Variants in AFF3 observed in about 807,000 individuals in gnomAD.
The protein encoded by AFF3 is ALF transcription elongation factor 3, also known as AF4/FMR2 family member 3.
AFF3 carries 32 observed loss-of-function variants against 129.7 expected under a neutral mutation model. That is an observed-to-expected ratio of 0.25 (90% CI 0.19 to 0.33). The LOEUF is 0.33. Among genes scored for constraint, AFF3 ranks in the 10% least tolerant of loss-of-function variants. The probability of loss-of-function intolerance (pLI) is 1.00; values close to 1 mark genes in which losing one functional copy is unlikely to be tolerated. For synonymous variants in AFF3, 644 were observed against 635.4 expected, an observed-to-expected ratio of 1.01 and a Z score of -0.20; for missense variants, 1,373 against 1,592.0, an observed-to-expected ratio of 0.86 and a Z score of 2.34.
intron 4 of AFF3, among the ~76,000 whole-genome samples, chr2:100,075,149 G>A (rs1317437622): frequency 6.6e-6 from 1 of 152,124 alleles, no homozygotes; most frequent in African/African-American, 2.4e-5. Flanking sequence ...GATGGGATAA[G>A]TTTGCAGAAG....
rs536455348 is a variant in AFF3, at chr2:100,060,737, T to C, written c.53+43665A>G. On this transcript the variant is annotated intron_variant, in intron 4 of 24. Transcript: ENST00000672756. ...CACTTGGTTTATTCTGTTGTTACCA[T>C]TGACATTACTACGTACATCTGTCAC... is the stretch of plus-strand genomic sequence containing the variant. 8.8e-4 allele frequency among the ~76,000 whole-genome samples: 134 copies of C among 152,290 alleles called. 1 individual carries two copies. The highest frequency in any genetic ancestry group is 1.5e-3 in the Non-Finnish European group (100 of 68,026).
At chr2:100,073,951 G>A (rs747164211) in intron 4 of AFF3, among the ~76,000 whole-genome samples, 4 of 152,282 alleles carry the variant, frequency 2.6e-5, no homozygotes, top group Non-Finnish European at 5.9e-5. Flanking sequence ...ACAAGAACAC[G>A]TGATCTGTAT....
intron 4 of AFF3, among the ~76,000 whole-genome samples, chr2:100,024,981 T>C (rs910109922): frequency 6.6e-6 from 1 of 152,202 alleles, no homozygotes; most frequent in Non-Finnish European, 1.5e-5. Flanking sequence ...TATTACTTTT[T>C]AAATACAAAG....
chr2:100,035,743 T>C (rs1684845766), intron 4 of AFF3, among the ~76,000 whole-genome samples: 2 of 152,176 alleles, frequency 1.3e-5, no homozygotes, highest in Admixed American at 6.5e-5. Context: ...CAAGAGAATA[T>C]ATAGGATGTA....
At chr2:99,837,355 C>T in intron 8 of AFF3, 122 bp downstream of exon 8, 2 of 945,232 alleles carry the variant, frequency 2.1e-6, no homozygotes, top group Non-Finnish European at 3.2e-6. Flanking sequence ...TGTGACTACT[C>T]TCAGAAAAGG....
intron 11 of AFF3, among the ~76,000 whole-genome samples, chr2:99,688,579 G>C (rs1442724556): frequency 1.3e-5 from 2 of 152,124 alleles, no homozygotes; most frequent in Non-Finnish European, 2.9e-5. Context: ...TCATTGAGCT[G>C]TTCTTGTGCA....
In AFF3 at chr2:99,674,818, G is replaced by A. The variant is rs117652817; in HGVS notation, c.1092-2229C>T. On this transcript the variant is annotated intron_variant, in intron 11 of 24. Coordinates refer to ENST00000672756, the MANE Select transcript of AFF3 (RefSeq NM_001386135.1). The stretch of plus-strand genomic sequence containing the variant: ...AGCTTGGGTTGGCTGCAAACTAGCC[G>A]TGCAACTCAGTCACCACATGAGCCT... Among the ~76,000 whole-genome samples, 15 of 152,324 alleles carry A rather than the reference G, an allele frequency of 9.8e-5. No individual in the cohort carries two copies. The East Asian group carries it at 2.1e-3, about 22-fold the overall frequency.
chr2:99,802,021 T>C (rs1218012733), intron 8 of AFF3, among the ~76,000 whole-genome samples: 1 of 152,260 alleles, frequency 6.6e-6, no homozygotes, highest in Non-Finnish European at 1.5e-5. Flanking sequence ...TTTAACTGTA[T>C]AATTAGAATG....
rs76591328 is a variant in AFF3 at position 99,821,470 on chromosome 2, AAAAAAAAGAAAAAAAG to A, written c.921+15991_921+16006del. Among the ~76,000 whole-genome samples the A allele has an allele frequency of 5.3e-5, 8 of 150,774 alleles. No homozygotes were observed. In the East Asian group the frequency reaches 1.6e-3, roughly 30 times the overall value. On this transcript the variant is annotated intron_variant, in intron 8 of 24. Coordinates refer to ENST00000672756, the MANE Select transcript of AFF3 (RefSeq NM_001386135.1). ...TAACACTAACAATAGCTGATGAGCT[AAAAAAAAGAAAAAAAG>A]AAAAAAAGAAAATAAAAAGGTCCGT... is the stretch of plus-strand genomic sequence containing the variant.
In AFF3 at chr2:99,938,844, T is replaced by C. The variant is rs77170316; in HGVS notation, c.873+67788A>G. ...CTTAGTGTCTTTCTCTGGCTCTCCATGTATATAATATACACTTGTCAGAGA... is the reference window on the plus strand; with the variant it reads ...CTTAGTGTCTTTCTCTGGCTCTCCACGTATATAATATACACTTGTCAGAGA... On this transcript the variant is annotated intron_variant, in intron 7 of 24. Coordinates refer to ENST00000672756, the MANE Select transcript of AFF3 (RefSeq NM_001386135.1). 5.4e-3 allele frequency among the ~76,000 whole-genome samples: 824 copies of C among 152,346 alleles called. 6 individuals are homozygous for C. Among genetic ancestry groups the C allele is most frequent in the African/African-American group, 0.019 (784 of 41,576 alleles).
intron 4 of AFF3, among the ~76,000 whole-genome samples, chr2:100,063,932 A>T (rs182049584): frequency 2.0e-4 from 30 of 152,134 alleles, no homozygotes; most frequent in East Asian, 1.9e-3. Context: ...TCTACTAAAA[A>T]TACAAACTTA....
intron 8 of AFF3, among the ~76,000 whole-genome samples, chr2:99,812,595 T>C (rs1050289931): frequency 6.6e-6 from 1 of 152,208 alleles, no homozygotes; most frequent in African/African-American, 2.4e-5. Context: ...TGTAAATGCA[T>C]AAAGGGAAGT....
chr2:99,990,770 G>C (rs928969885), intron 7 of AFF3, among the ~76,000 whole-genome samples: 7 of 152,174 alleles, frequency 4.6e-5, no homozygotes, highest in African/African-American at 1.4e-4. Context: ...AGACCTTCGA[G>C]AAGAGCAATC....
At chr2:99,787,048 T>TA in intron 8 of AFF3, among the ~76,000 whole-genome samples, 1 of 152,104 alleles carries the variant, frequency 6.6e-6, no homozygotes, top group Non-Finnish European at 1.5e-5. Context: ...TTAATAGTAT[T>TA]AAATGGGCAA....
At chr2:99,883,110 T>C (rs980371140) in intron 7 of AFF3, among the ~76,000 whole-genome samples, 1 of 152,212 alleles carries the variant, frequency 6.6e-6, no homozygotes, top group African/African-American at 2.4e-5. Context: ...TTGTTTTATA[T>C]TTGACCCCAG....
chr2:99,688,903 A>C (rs770838336), intron 11 of AFF3, among the ~76,000 whole-genome samples: 1 of 152,148 alleles, frequency 6.6e-6, no homozygotes, highest in Non-Finnish European at 1.5e-5. Flanking sequence ...TGTTGAGCCA[A>C]TAAGTTAATC....
At chr2:99,697,188 C>T (rs369625544) in intron 11 of AFF3, among the ~76,000 whole-genome samples, 7 of 152,168 alleles carry the variant, frequency 4.6e-5, no homozygotes, top group South Asian at 2.1e-4. Context: ...CTGGCGAGGG[C>T]GTGTTTTACA....
intron 7 of AFF3, among the ~76,000 whole-genome samples, chr2:99,858,382 CAA>C (rs34454669): frequency 5.9e-4 from 49 of 82,380 alleles, no homozygotes; most frequent in Non-Finnish European, 5.3e-4. Context: ...CCTGTTTCTA[CAA>C]AAAAAAAAAA....
At chr2:99,942,918 G>A (rs1675192471) in intron 7 of AFF3, among the ~76,000 whole-genome samples, 1 of 152,080 alleles carries the variant, frequency 6.6e-6, no homozygotes, top group South Asian at 2.1e-4. Context: ...CAATATGGAT[G>A]CCGTCTCCCT....
Sources: gnomAD v4.1 joint callset for allele counts (sites outside exome capture counted in the v4.1 genomes callset) on GRCh38, gnomAD v4.1.1 for gene constraint, MANE v1.5 for transcripts, NCBI Gene and HGNC (gene_info 2026-07-23, HGNC 2026-07-21) for gene names.